Variants in DCUN1D1 observed in about 807,000 individuals in gnomAD.
The protein encoded by DCUN1D1 is defective in cullin neddylation 1 domain containing 1.
A neutral mutation model predicts 39.0 loss-of-function variants in DCUN1D1; 3 were observed. The observed-to-expected ratio is 0.08, with a 90% CI of 0.04 to 0.20. The LOEUF is 0.20. DCUN1D1 is among the 10% of genes least tolerant of loss of function. DCUN1D1 has a pLI of 1.00. For synonymous variants in DCUN1D1, 82 were observed against 96.3 expected (o/e 0.85, Z 0.87); for missense variants, 158 against 302.4 (o/e 0.52, Z 3.54).
In DCUN1D1 at chr3:182,939,456, T is replaced by G. The variant is rs1726042997; in HGVS notation, c.*5638A>C. On this transcript the variant is annotated 3_prime_UTR_variant, in exon 7 of 7. Transcript: ENST00000292782. ...AAAAACTAATTGTAGGCCAGCCAAA[T>G]GTCTATCAACTGGTGAATGGATAAA... 1 of 152,320 alleles carries G rather than the reference T, an allele frequency of 6.6e-6. No homozygotes were observed. The highest frequency in any genetic ancestry group is 2.4e-5 in the African/African-American group (1 of 41,568). The allele number at this position is 152,320 out of a possible 1,614,324, so 9.4% of individuals were successfully genotyped here.
At chr3:182,959,521 A>C (rs1411065455) in intron 4 of DCUN1D1, among the ~76,000 whole-genome samples, 2 of 150,392 alleles carry the variant, frequency 1.3e-5, no homozygotes, top group African/African-American at 4.9e-5. Context: ...AAAAAAAAAA[A>C]AAAAACCTCA....
chr3:182,980,509 C>T lies in DCUN1D1; in HGVS notation c.-20G>A. ...CACCATGTTGGTGTCCTCCAGGCCT[C>T]TCCCCTCCTCCTCCGGCTCCGCAGC... On this transcript the variant is annotated 5_prime_UTR_variant, in exon 1 of 7. Coordinates refer to ENST00000292782, the MANE Select transcript of DCUN1D1 (RefSeq NM_020640.4). 8.1e-7 allele frequency: 1 copy of T among 1,240,248 alleles called. No homozygotes were observed. The highest frequency in any genetic ancestry group is 1.0e-6 in the Non-Finnish European group (1 of 972,322). 76.8% of individuals were successfully genotyped at this position (1,240,248 alleles called of 1,614,324 possible).
chr3:182,947,280 T>A lies in DCUN1D1; in HGVS notation c.658A>T (p.Ser220Cys). 6.2e-7 allele frequency: 1 copy of A among 1,610,374 alleles called. No individual in the cohort carries two copies. The highest frequency in any genetic ancestry group is 1.1e-5 in the South Asian group (1 of 89,778). ...GACATGTCATCTGCAATCATCGTAC[T>A]GAAGTCTAAAAGAAGATTCCAAGTG... ...KDTWNLLLDF[S>C]TMIADDMSNY... The change falls in exon 6 of 7, where the codon AGT (serine) becomes TGT (cysteine). Residue 220 changes from serine (S) to cysteine (C), a missense_variant. Ser to Cys is a moderately radical substitution (Grantham distance 112). This residue lies in a region of DCUN1D1 where 25 missense variants were observed against 26.3 expected (regional missense o/e 0.95). Coordinates refer to ENST00000292782, the MANE Select transcript of DCUN1D1 (RefSeq NM_020640.4).
At chr3:182,947,898 G>C (rs1018804626) in intron 4 of DCUN1D1, among the ~76,000 whole-genome samples, 4 of 152,178 alleles carry the variant, frequency 2.6e-5, no homozygotes, top group African/African-American at 9.7e-5. Context: ...AGAGAATGCA[G>C]TTAAACATAG....
At chr3:182,964,930 C>T (rs73177382) in intron 2 of DCUN1D1, among the ~76,000 whole-genome samples, 10,716 of 152,148 alleles carry the variant, frequency 0.07, 478 homozygotes, top group Middle Eastern at 0.15. Context: ...TGAGCCACCA[C>T]GCCCAGCCTT....
At chr3:182,961,780 G>A (rs955726546) in intron 3 of DCUN1D1, among the ~76,000 whole-genome samples, 13 of 152,142 alleles carry the variant, frequency 8.5e-5, no homozygotes, top group African/African-American at 2.4e-4. Flanking sequence ...TTGCTTATGA[G>A]GAAACATTCC....
chr3:182,973,015 C>A (rs1368179087), intron 1 of DCUN1D1, among the ~76,000 whole-genome samples: 1 of 151,872 alleles, frequency 6.6e-6, no homozygotes, highest in African/African-American at 2.4e-5. Flanking sequence ...GCGCTCCAAT[C>A]TGGGCAAGAA....
chr3:182,944,125 T>C lies in DCUN1D1; in HGVS notation c.*969A>G, dbSNP rs191370341. 3.1e-4 allele frequency: 47 copies of C among 152,718 alleles called. No individual in the cohort carries two copies. The Middle Eastern group carries it at 0.017, about 55-fold the overall frequency. 9.5% of individuals were successfully genotyped at this position (152,718 alleles called of 1,614,324 possible). ...CTTCTTATAAATTAAGAGAATTCCA[T>C]TTGTGTTCCATAGTGCGATGACAAA... is the stretch of plus-strand genomic sequence containing the variant. On this transcript the variant is annotated 3_prime_UTR_variant, in exon 7 of 7. Coordinates refer to ENST00000292782, the MANE Select transcript of DCUN1D1 (RefSeq NM_020640.4).
intron 1 of DCUN1D1, chr3:182,985,642 ATAAAGT>A (rs772811972): frequency 1.3e-5 from 2 of 152,384 alleles, no homozygotes; most frequent in Non-Finnish European, 2.9e-5. Flanking sequence ...AAAATAAAAA[ATAAAGT>A]TAAAAGTAAA....
At chr3:182,958,940 T>C (rs1431190044) in intron 4 of DCUN1D1, among the ~76,000 whole-genome samples, 2 of 152,224 alleles carry the variant, frequency 1.3e-5, no homozygotes, top group Admixed American at 6.5e-5. Flanking sequence ...AACTAAGAAA[T>C]AGGTTATGTC....
rs1726138532 is a variant in DCUN1D1, at chr3:182,941,646, A to G, written c.*3448T>C. The stretch of plus-strand genomic sequence containing the variant: ...GTATTCAATATAAATCATACTGTTA[A>G]AAGTATAAGGTAACATTAAAACTGC... On this transcript the variant is annotated 3_prime_UTR_variant, in exon 7 of 7. Transcript: ENST00000292782. 6.6e-6 allele frequency: 1 copy of G among 152,152 alleles called. No homozygotes were observed. Among genetic ancestry groups the G allele is most frequent in the Non-Finnish European group, 1.5e-5 (1 of 67,976 alleles). The allele number at this position is 152,152 out of a possible 1,614,324, so 9.4% of individuals were successfully genotyped here. A position where few individuals can be genotyped will look rare whatever the true frequency, so the allele number is the denominator to read the frequency against.
At chr3:182,984,594 T>C (rs1023449445), upstream of DCUN1D1, among the ~76,000 whole-genome samples, 1 of 152,018 alleles carries the variant, frequency 6.6e-6, no homozygotes, top group African/African-American at 2.4e-5. Context: ...CTCCTCTCTC[T>C]ACCCCACCAC....
intron 1 of DCUN1D1, among the ~76,000 whole-genome samples, chr3:182,972,607 G>A (rs575887770): frequency 1.0e-3 from 155 of 152,150 alleles, no homozygotes; most frequent in African/African-American, 3.4e-3. Flanking sequence ...AAGATCTGGT[G>A]GCGCACAGCT....
intron 1 of DCUN1D1, among the ~76,000 whole-genome samples, chr3:182,966,638 C>CCATGTT (rs2108380774): frequency 6.6e-6 from 1 of 152,298 alleles, no homozygotes; most frequent in Admixed American, 6.5e-5. Context: ...GTATCAAAGA[C>CCATGTT]CATGTTCTCC....
At chr3:182,974,119 GCACATGT>G (rs955914269) in intron 1 of DCUN1D1, among the ~76,000 whole-genome samples, 32 of 152,080 alleles carry the variant, frequency 2.1e-4, no homozygotes, top group African/African-American at 7.0e-4. Context: ...GGGCATGGTG[GCACATGT>G]CTGTAATCCC....
chr3:182,970,390 G>C (rs1276191908), intron 1 of DCUN1D1, among the ~76,000 whole-genome samples: 3 of 152,090 alleles, frequency 2.0e-5, no homozygotes, highest in Non-Finnish European at 4.4e-5. Context: ...AATAAACATG[G>C]AAAATGACTT....
chr3:182,980,046 C>G (rs1728453141), intron 1 of DCUN1D1: 1 of 517,582 alleles, frequency 1.9e-6, no homozygotes. Context: ...GAGGGAAGCC[C>G]CGGCTTCGGG....
chr3:182,962,058 T>C (rs998207022), intron 3 of DCUN1D1, among the ~76,000 whole-genome samples: 2 of 152,240 alleles, frequency 1.3e-5, no homozygotes, highest in Admixed American at 1.3e-4. Flanking sequence ...TCATTTTCCT[T>C]CTACATTCTT....
At chr3:182,945,526 C>T (rs1052420417) in intron 6 of DCUN1D1, among the ~76,000 whole-genome samples, 3 of 152,034 alleles carry the variant, frequency 2.0e-5, no homozygotes, top group South Asian at 2.1e-4. Context: ...GGTGTGAACC[C>T]GGGAGGCGGA....
Sources: allele counts gnomAD v4.1 joint callset (sites outside exome capture counted in the v4.1 genomes callset), GRCh38; gene constraint gnomAD v4.1.1; regional missense constraint gnomAD v4.1.1; transcripts MANE v1.5; gene names NCBI Gene and HGNC (gene_info 2026-07-23, HGNC 2026-07-21).